The following CNTNAP2 variants were observed in gnomAD, a reference collection of about 807,000 sequenced individuals.
CNTNAP2 encodes contactin associated protein 2.
Under a neutral mutation model 155.2 loss-of-function variants are expected in CNTNAP2, and 98 were observed. That is an observed-to-expected ratio of 0.63 (90% CI 0.54 to 0.75). The LOEUF is 0.75. CNTNAP2 is among the 30% of genes least tolerant of loss of function. The pLI is 0.00. For synonymous variants in CNTNAP2, 651 were observed against 631.2 expected, an observed-to-expected ratio of 1.03 and a Z score of -0.47; for missense variants, 1,727 against 1,688.1, an observed-to-expected ratio of 1.02 and a Z score of -0.40.
At chr7:147,653,975 C>T (rs1192009902) in intron 13 of CNTNAP2, among the ~76,000 whole-genome samples, 2 of 152,012 alleles carry the variant, frequency 1.3e-5, no homozygotes, top group African/African-American at 4.8e-5. Flanking sequence ...TGAAGTATAC[C>T]AAAAGAAGCT....
chr7:148,181,741 CTTTTTTTTTTTTTTTTTTT>C (rs71527884), intron 18 of CNTNAP2, among the ~76,000 whole-genome samples: 1 of 48,646 alleles, frequency 2.1e-5, no homozygotes, highest in Admixed American at 3.8e-4. Flanking sequence ...AGTGTGTGCC[CTTTTTTTTTTTTTTTTTTT>C]TTTTTTTTTT....
chr7:147,042,742 A>C (rs552766877), intron 3 of CNTNAP2, among the ~76,000 whole-genome samples: 1 of 152,160 alleles, frequency 6.6e-6, no homozygotes, highest in Non-Finnish European at 1.5e-5. Context: ...TGATTTAAAA[A>C]ATAATTTTTA....
chr7:146,574,300 G>A (rs561280728), intron 1 of CNTNAP2, among the ~76,000 whole-genome samples: 37 of 152,216 alleles, frequency 2.4e-4, no homozygotes, highest in African/African-American at 8.7e-4. Context: ...ATACACACAC[G>A]TTCACGCACA....
rs900288993 is a variant in CNTNAP2, at chr7:146,280,093, G to A, written c.97+163120G>A. ...AGGATTTTTACTGTGTGTGCGTGTC[G>A]ATGTGTGTGTGAATGTTTGTGTGGA... is the stretch of plus-strand genomic sequence containing the variant. On this transcript the variant is annotated intron_variant, in intron 1 of 23. Coordinates refer to ENST00000361727, the MANE Select transcript of CNTNAP2 (RefSeq NM_014141.6). 4.6e-5 allele frequency among the ~76,000 whole-genome samples: 7 copies of A among 152,056 alleles called. No individual in the cohort carries two copies. In the East Asian group the frequency reaches 5.8e-4, roughly 13 times the overall value.
chr7:146,235,697 C>T (rs866953916), intron 1 of CNTNAP2, among the ~76,000 whole-genome samples: 3 of 151,952 alleles, frequency 2.0e-5, no homozygotes, highest in African/African-American at 4.8e-5. Flanking sequence ...GCCGTGGCTG[C>T]GTGAGAAAAC....
intron 1 of CNTNAP2, among the ~76,000 whole-genome samples, chr7:146,363,841 G>C (rs183797383): frequency 8.5e-5 from 13 of 152,200 alleles, no homozygotes; most frequent in Admixed American, 7.2e-4. Flanking sequence ...AAGAATATTG[G>C]GTCGAGGGAG....
intron 13 of CNTNAP2, among the ~76,000 whole-genome samples, chr7:147,867,775 G>A (rs2192322): frequency 0.19 from 29,032 of 151,800 alleles, 3,246 homozygotes; most frequent in Middle Eastern, 0.3. Context: ...CACAAAGTTC[G>A]CGTGCCATGG....
At chr7:147,000,962 G>T (rs1215787650) in intron 3 of CNTNAP2, among the ~76,000 whole-genome samples, 6 of 152,068 alleles carry the variant, frequency 3.9e-5, no homozygotes, top group Non-Finnish European at 5.9e-5. Flanking sequence ...CAGATACCAG[G>T]CTAAAATCAG....
intron 21 of CNTNAP2, among the ~76,000 whole-genome samples, chr7:148,272,161 C>T (rs11773430): frequency 0.057 from 8,649 of 152,162 alleles, 349 homozygotes; most frequent in African/African-American, 0.11. Flanking sequence ...GTGATCACTG[C>T]CAACCAACAG....
chr7:147,028,350 T>A (rs1168689662), intron 3 of CNTNAP2, among the ~76,000 whole-genome samples: 1 of 152,202 alleles, frequency 6.6e-6, no homozygotes, highest in African/African-American at 2.4e-5. Flanking sequence ...AATAATGCAA[T>A]ATTGTAACTG....
chr7:146,317,937 C>T (rs952869275), intron 1 of CNTNAP2, among the ~76,000 whole-genome samples: 3 of 152,070 alleles, frequency 2.0e-5, no homozygotes, highest in African/African-American at 2.4e-5. Flanking sequence ...GTCAGGAGAT[C>T]GAGACAATCC....
At chr7:146,736,410 G>A (rs1427813134) in intron 1 of CNTNAP2, among the ~76,000 whole-genome samples, 1 of 152,208 alleles carries the variant, frequency 6.6e-6, no homozygotes, top group Non-Finnish European at 1.5e-5. Flanking sequence ...GACATTGCCT[G>A]TGAGGATTTG....
chr7:147,806,197 A>G (rs1798087852), intron 13 of CNTNAP2, among the ~76,000 whole-genome samples: 1 of 152,254 alleles, frequency 6.6e-6, no homozygotes, highest in Non-Finnish European at 1.5e-5. Context: ...ATAGCTGAGT[A>G]GACATTTTTC....
At chr7:146,341,227 T>G (rs6944271) in intron 1 of CNTNAP2, among the ~76,000 whole-genome samples, 5,178 of 152,264 alleles carry the variant, frequency 0.034, 294 homozygotes, top group African/African-American at 0.12. Context: ...AAGTCCTAAA[T>G]GAAATGCCAC....
rs561088455 is a variant in CNTNAP2 at position 146,327,161 on chromosome 7, G to GA, written c.97+210196dup. Among the ~76,000 whole-genome samples the GA allele has an allele frequency of 2.2e-3, 330 of 151,510 alleles. 2 individuals carry two copies. The highest frequency in any genetic ancestry group is 7.4e-3 in the African/African-American group (305 of 41,376). Reference sequence around the variant, plus strand: ...ACTTAATTATTCAAGGGTATTTGAAGAAAAAAAAGAAGATATTTAATATTT... The same window carrying GA: ...ACTTAATTATTCAAGGGTATTTGAAGAAAAAAAAAGAAGATATTTAATATTT... On this transcript the variant is annotated intron_variant, in intron 1 of 23. Coordinates refer to ENST00000361727, the MANE Select transcript of CNTNAP2 (RefSeq NM_014141.6).
intron 12 of CNTNAP2, among the ~76,000 whole-genome samples, chr7:147,602,606 A>G (rs969903094): frequency 2.3e-4 from 35 of 151,318 alleles, no homozygotes; most frequent in African/African-American, 7.8e-4. Context: ...GTCATTTAAC[A>G]TTAGGTATAT....
chr7:146,446,300 A>C (rs1196123936), intron 1 of CNTNAP2, among the ~76,000 whole-genome samples: 1 of 152,202 alleles, frequency 6.6e-6, no homozygotes, highest in Non-Finnish European at 1.5e-5. Flanking sequence ...ATTAAGGACT[A>C]AACCAATTTA....
chr7:147,065,813 G>T (rs1799768075), intron 4 of CNTNAP2, among the ~76,000 whole-genome samples: 2 of 152,020 alleles, frequency 1.3e-5, no homozygotes, highest in Non-Finnish European at 2.9e-5. Flanking sequence ...GTTAGAAGTA[G>T]AAATTATTAT....
chr7:146,492,338 G>A (rs1410106000), intron 1 of CNTNAP2, among the ~76,000 whole-genome samples: 2 of 152,022 alleles, frequency 1.3e-5, no homozygotes, highest in Non-Finnish European at 2.9e-5. Flanking sequence ...ACATTCACTT[G>A]GCAAATACTG....
Sources: gnomAD v4.1 joint callset for allele counts (sites outside exome capture counted in the v4.1 genomes callset) on GRCh38, gnomAD v4.1.1 for gene constraint, MANE v1.5 for transcripts, NCBI Gene and HGNC (gene_info 2026-07-23, HGNC 2026-07-21) for gene names.